The following AKAP6 variants were observed in gnomAD, a reference collection of about 807,000 sequenced individuals.
AKAP6 encodes the protein A-kinase anchor protein 6.
In AKAP6, 58 loss-of-function variants were observed where a neutral mutation model predicts 188.5. That is an observed-to-expected ratio of 0.31 (90% confidence interval 0.25 to 0.38). The LOEUF (loss-of-function observed/expected upper bound fraction) is 0.38. Among genes scored for constraint, AKAP6 ranks in the 10% least tolerant of loss-of-function variants. The pLI, the probability that AKAP6 is intolerant of heterozygous loss-of-function variation, is 1.00. For missense variants in AKAP6, 2,710 were observed against 2,740.0 expected, an observed-to-expected ratio of 0.99 and a Z score of 0.24; for synonymous variants, 989 against 998.6, an observed-to-expected ratio of 0.99 and a Z score of 0.18.
intron 7 of AKAP6, among the ~76,000 whole-genome samples, chr14:32,646,429 A>G (rs1431157083): frequency 2.0e-5 from 3 of 152,122 alleles, no homozygotes; most frequent in Non-Finnish European, 4.4e-5. Context: ...CTGTGTAGTA[A>G]CAATTATTTT....
intron 8 of AKAP6, among the ~76,000 whole-genome samples, chr14:32,689,258 C>A (rs144473510): frequency 2.3e-3 from 347 of 152,200 alleles, no homozygotes; most frequent in Non-Finnish European, 4.1e-3. Context: ...ACCCAGAAAT[C>A]TACACTGATG....
At chr14:32,672,082 A>T (rs762934343) in intron 7 of AKAP6, among the ~76,000 whole-genome samples, 2 of 152,176 alleles carry the variant, frequency 1.3e-5, no homozygotes, top group Admixed American at 1.3e-4. Context: ...TGACTGAGTA[A>T]TGATCCAGGC....
At chr14:32,567,912 A>T (rs913565102) in intron 4 of AKAP6, among the ~76,000 whole-genome samples, 13 of 152,168 alleles carry the variant, frequency 8.5e-5, no homozygotes, top group Non-Finnish European at 1.0e-4. Flanking sequence ...ACTGTAGAAA[A>T]AAGAAAGAAA....
At chr14:32,511,528 A>C (rs1881262574) in intron 2 of AKAP6, among the ~76,000 whole-genome samples, 1 of 152,096 alleles carries the variant, frequency 6.6e-6, no homozygotes, top group Admixed American at 6.6e-5. Context: ...GGTATGTGCC[A>C]CCACGCCTGG....
chr14:32,425,322 T>C lies in AKAP6; in HGVS notation c.-34-8138T>C, dbSNP rs554667563. Among the ~76,000 whole-genome samples, 10 of 152,254 alleles carry C rather than the reference T, an allele frequency of 6.6e-5. No individual in the cohort carries two copies. The South Asian group carries it at 1.7e-3, about 25-fold the overall frequency. The stretch of plus-strand genomic sequence containing the variant: ...GAAAAGTGTCTGTTCATTGGCTGGA[T>C]GCGGTGGCTTGTGCCTATAATTCCA... On this transcript the variant is annotated intron_variant, in intron 1 of 13. Transcript: ENST00000280979.
rs2034800141 is a variant in AKAP6 at position 32,830,509 on chromosome 14, T to C, written c.*704T>C. The C allele has an allele frequency of 6.6e-6, 1 of 152,644 alleles. No individual in the cohort carries two copies. Among genetic ancestry groups the C allele is most frequent in the Admixed American group, 6.5e-5 (1 of 15,280 alleles). 9.5% of individuals were successfully genotyped at this position (152,644 alleles called of 1,614,324 possible). Reference sequence around the variant, plus strand: ...CAACATTTTCATTTTTTATGCTTCTTGAGGTGGTAATGAGAAAAAAGTTTT... The same window carrying C: ...CAACATTTTCATTTTTTATGCTTCTCGAGGTGGTAATGAGAAAAAAGTTTT... On this transcript the variant is annotated 3_prime_UTR_variant, in exon 14 of 14. Transcript: ENST00000280979.
chr14:32,362,799 A>C (rs550565116), intron 1 of AKAP6, among the ~76,000 whole-genome samples: 1 of 152,184 alleles, frequency 6.6e-6, no homozygotes, highest in Non-Finnish European at 1.5e-5. Flanking sequence ...CTATTTTTAG[A>C]AAATCACTTT....
chr14:32,783,825 C>T (rs927650900), intron 12 of AKAP6, among the ~76,000 whole-genome samples: 3 of 152,128 alleles, frequency 2.0e-5, no homozygotes, highest in Non-Finnish European at 2.9e-5. Flanking sequence ...CCTGGGAGCT[C>T]TGGCTTCAGA....
At chr14:32,347,461 G>A (rs763690412) in intron 1 of AKAP6, among the ~76,000 whole-genome samples, 1 of 152,120 alleles carries the variant, frequency 6.6e-6, no homozygotes, top group East Asian at 1.9e-4. Flanking sequence ...GTACATTTCA[G>A]GCATTGCTTT....
At chr14:32,530,354 CT>C (rs200749522) in intron 2 of AKAP6, among the ~76,000 whole-genome samples, 2 of 151,398 alleles carry the variant, frequency 1.3e-5, no homozygotes, top group African/African-American at 2.4e-5. Flanking sequence ...TTCTTTCCTT[CT>C]TTTTTTTTGT....
chr14:32,769,035 TGA>T (rs2032805279), intron 11 of AKAP6, among the ~76,000 whole-genome samples: 17 of 124,750 alleles, frequency 1.4e-4, no homozygotes, highest in East Asian at 2.3e-4. Context: ...GCTGCTCTTT[TGA>T]TTTTTTTTTT....
chr14:32,447,096 A>T (rs941952022), intron 2 of AKAP6, among the ~76,000 whole-genome samples: 1 of 152,152 alleles, frequency 6.6e-6, no homozygotes, highest in Admixed American at 6.6e-5. Context: ...TTGACTTAAA[A>T]CCAGTGATTC....
In AKAP6 at chr14:32,426,708, C is replaced by T. The variant is rs962052370; in HGVS notation, c.-34-6752C>T. Among the ~76,000 whole-genome samples, 4 of 152,224 alleles carry T rather than the reference C, an allele frequency of 2.6e-5. No individual in the cohort carries two copies. The East Asian group carries it at 5.8e-4, about 22-fold the overall frequency. On this transcript the variant is annotated intron_variant, in intron 1 of 13. Transcript: ENST00000280979. Reference sequence around the variant, plus strand: ...ATATTGATGACCGTGGGTGCCACTGCGGCTGCCTGCCTGAAGCAGTCAAAT... The same window carrying T: ...ATATTGATGACCGTGGGTGCCACTGTGGCTGCCTGCCTGAAGCAGTCAAAT...
chr14:32,330,979 A>G (rs999047431), intron 1 of AKAP6, among the ~76,000 whole-genome samples: 1 of 152,052 alleles, frequency 6.6e-6, no homozygotes, highest in African/African-American at 2.4e-5. Flanking sequence ...TAATGTGAGC[A>G]GAAAGCTCTG....
intron 12 of AKAP6, among the ~76,000 whole-genome samples, chr14:32,775,442 T>C (rs971754055): frequency 4.0e-5 from 6 of 151,816 alleles, no homozygotes; most frequent in African/African-American, 4.8e-5. Flanking sequence ...CCTTTTTTTT[T>C]TTTTTTCAAG....
chr14:32,473,453 A>G (rs57894377), intron 2 of AKAP6, among the ~76,000 whole-genome samples: 2,386 of 152,318 alleles, frequency 0.016, 67 homozygotes, highest in African/African-American at 0.054. Context: ...TGTTTTTCAA[A>G]TTAGAAAAGC....
At chr14:32,510,414 G>GTATATATATACATATATATGTGTATA (rs1881148972) in intron 2 of AKAP6, among the ~76,000 whole-genome samples, 1 of 112,332 alleles carries the variant, frequency 8.9e-6, no homozygotes, top group African/African-American at 3.9e-5. Context: ...GTATATATAT[G>GTATATATATACATATATATGTGTATA]TATATATATA....
At chr14:32,345,363 C>T (rs1887034406) in intron 1 of AKAP6, among the ~76,000 whole-genome samples, 1 of 152,152 alleles carries the variant, frequency 6.6e-6, no homozygotes, top group East Asian at 1.9e-4. Flanking sequence ...AAGGCTTTTC[C>T]ACAGGTACAG....
intron 9 of AKAP6, among the ~76,000 whole-genome samples, chr14:32,724,398 G>A (rs2030734484): frequency 6.6e-6 from 1 of 152,186 alleles, no homozygotes; most frequent in African/African-American, 2.4e-5. Flanking sequence ...TTATGCTTAT[G>A]AAAATCTACT....
Sources: allele counts gnomAD v4.1 joint callset (sites outside exome capture counted in the v4.1 genomes callset), GRCh38; gene constraint gnomAD v4.1.1; transcripts MANE v1.5; gene names NCBI Gene and HGNC (gene_info 2026-07-23, HGNC 2026-07-21).